The following UNC5D variants were observed in gnomAD, a reference collection of about 807,000 sequenced individuals.
UNC5D encodes netrin receptor UNC5D.
In UNC5D, 39 loss-of-function variants were observed where a neutral mutation model predicts 105.4. That is an observed-to-expected ratio of 0.37 (90% CI 0.29 to 0.48). The LOEUF is 0.48. Among genes scored for constraint, UNC5D ranks in the 20% least tolerant of loss-of-function variants. The pLI is 0.98. For synonymous variants in UNC5D, 452 were observed against 450.4 expected, an observed-to-expected ratio of 1.00 and a Z score of -0.04; for missense variants, 991 against 1,202.4, an observed-to-expected ratio of 0.82 and a Z score of 2.60.
At chr8:35,648,819 A>G (rs1040959897) in intron 4 of UNC5D, among the ~76,000 whole-genome samples, 5 of 152,174 alleles carry the variant, frequency 3.3e-5, no homozygotes, top group Non-Finnish European at 5.9e-5. Flanking sequence ...ATGCAGTCAC[A>G]TGTTTGATCA....
intron 1 of UNC5D, among the ~76,000 whole-genome samples, chr8:35,241,335 G>T (rs771786295): frequency 1.3e-5 from 2 of 152,252 alleles, no homozygotes; most frequent in South Asian, 4.1e-4. Context: ...ATTTTGGATT[G>T]TGTTATCTGA....
intron 1 of UNC5D, among the ~76,000 whole-genome samples, chr8:35,389,882 G>A (rs945038467): frequency 2.6e-5 from 4 of 152,092 alleles, no homozygotes; most frequent in African/African-American, 9.7e-5. Flanking sequence ...AACGGAATAG[G>A]CAACAGAAGA....
intron 1 of UNC5D, among the ~76,000 whole-genome samples, chr8:35,274,907 T>G (rs1020682886): frequency 4.6e-5 from 7 of 151,920 alleles, no homozygotes; most frequent in African/African-American, 2.4e-5. Flanking sequence ...CTGGCCAACA[T>G]GGTGAAACCC....
intron 4 of UNC5D, among the ~76,000 whole-genome samples, chr8:35,664,370 GTTTA>G (rs1824298581): frequency 6.6e-6 from 1 of 152,032 alleles, no homozygotes; most frequent in Non-Finnish European, 1.5e-5. Flanking sequence ...ATTGATTCTT[GTTTA>G]TTTGTTTGTT....
intron 11 of UNC5D, among the ~76,000 whole-genome samples, chr8:35,742,274 A>G (rs888644760): frequency 1.3e-5 from 2 of 151,996 alleles, no homozygotes; most frequent in Non-Finnish European, 2.9e-5. Context: ...AAAGAGAGAG[A>G]GACAAATAAT....
intron 1 of UNC5D, among the ~76,000 whole-genome samples, chr8:35,399,178 A>C (rs552542093): frequency 2.0e-5 from 3 of 151,244 alleles, no homozygotes; most frequent in Non-Finnish European, 4.4e-5. Context: ...AGTCCTCTAC[A>C]TAACCATTAA....
At chr8:35,623,890 C>T (rs939755974) in intron 4 of UNC5D, among the ~76,000 whole-genome samples, 5 of 152,066 alleles carry the variant, frequency 3.3e-5, no homozygotes, top group Admixed American at 3.3e-4. Flanking sequence ...ACCATCCTGG[C>T]TAACACGGTG....
chr8:35,736,202 AAAAAT>A (rs1398203866), intron 11 of UNC5D, among the ~76,000 whole-genome samples: 1 of 152,114 alleles, frequency 6.6e-6, no homozygotes, highest in African/African-American at 2.4e-5. Flanking sequence ...TATAGAAAAT[AAAAAT>A]AAAATAAAAC....
At chr8:35,370,547 TTA>T (rs1201683979) in intron 1 of UNC5D, among the ~76,000 whole-genome samples, 28 of 152,202 alleles carry the variant, frequency 1.8e-4, no homozygotes, top group Admixed American at 1.8e-3. Context: ...TATGGTTCAC[TTA>T]TATTTGTGCT....
chr8:35,257,205 G>A (rs1422961853), intron 1 of UNC5D, among the ~76,000 whole-genome samples: 3 of 152,006 alleles, frequency 2.0e-5, no homozygotes, highest in Admixed American at 1.3e-4. Context: ...TCCTGACCTC[G>A]TGATCCACCT....
chr8:35,565,749 T>C (rs745534433), intron 2 of UNC5D, among the ~76,000 whole-genome samples: 2 of 152,244 alleles, frequency 1.3e-5, no homozygotes, highest in Non-Finnish European at 2.9e-5. Context: ...TTGTTGTATA[T>C]GGTGAGAGGG....
At chr8:35,683,247 G>A (rs1173456841) in intron 4 of UNC5D, among the ~76,000 whole-genome samples, 1 of 152,108 alleles carries the variant, frequency 6.6e-6, no homozygotes, top group Non-Finnish European at 1.5e-5. Flanking sequence ...AAATGAAATG[G>A]CCTAATTGCA....
At chr8:35,625,839 G>A (rs1821669311) in intron 4 of UNC5D, among the ~76,000 whole-genome samples, 1 of 152,166 alleles carries the variant, frequency 6.6e-6, no homozygotes, top group Non-Finnish European at 1.5e-5. Flanking sequence ...CAGTTCTCAA[G>A]TCAGAGTGTG....
chr8:35,710,777 G>A (rs1380714495), intron 8 of UNC5D, among the ~76,000 whole-genome samples: 1 of 152,140 alleles, frequency 6.6e-6, no homozygotes, highest in Non-Finnish European at 1.5e-5. Flanking sequence ...CAGAAGAAAA[G>A]TCTAAAAATT....
intron 1 of UNC5D, among the ~76,000 whole-genome samples, chr8:35,262,103 CTAAATTT>C (rs2128822791): frequency 6.6e-6 from 1 of 152,250 alleles, no homozygotes; most frequent in South Asian, 2.1e-4. Context: ...TACATGCTCA[CTAAATTT>C]TAACAGTCAT....
chr8:35,260,615 G>A (rs1375175232), intron 1 of UNC5D, among the ~76,000 whole-genome samples: 2 of 152,014 alleles, frequency 1.3e-5, no homozygotes, highest in Non-Finnish European at 2.9e-5. Flanking sequence ...AGGCCCATGC[G>A]GCCATACCGA....
chr8:35,269,454 C>T (rs1206134293), intron 1 of UNC5D, among the ~76,000 whole-genome samples: 3 of 152,206 alleles, frequency 2.0e-5, no homozygotes, highest in African/African-American at 7.2e-5. Context: ...CCTTGACTTA[C>T]ATCTGCAGAA....
At chr8:35,751,011 C>T (rs6468331) in intron 13 of UNC5D, among the ~76,000 whole-genome samples, 11,323 of 152,102 alleles carry the variant, frequency 0.074, 1,131 homozygotes, top group African/African-American at 0.23. Flanking sequence ...GAGTTATTCA[C>T]GCAGAGCCGG....
intron 1 of UNC5D, among the ~76,000 whole-genome samples, chr8:35,514,527 G>C (rs1044868749): frequency 6.6e-6 from 1 of 152,224 alleles, no homozygotes; most frequent in African/African-American, 2.4e-5. Flanking sequence ...TCTCGCAGTT[G>C]CTAGAAATTA....
Sources: allele counts gnomAD v4.1 joint callset (sites outside exome capture counted in the v4.1 genomes callset), GRCh38; gene constraint gnomAD v4.1.1; transcripts MANE v1.5; gene names NCBI Gene and HGNC (gene_info 2026-07-23, HGNC 2026-07-21).